MED21: variants seen among roughly 807,000 people sequenced by gnomAD.
The protein encoded by MED21 is mediator complex subunit 21.
A neutral mutation model predicts 18.2 loss-of-function variants in MED21; 9 were observed. The observed-to-expected ratio is 0.49, with a 90% confidence interval of 0.30 to 0.86. MED21 has a LOEUF of 0.86. MED21 is among the 40% of genes least tolerant of loss of function. MED21 has a pLI of 0.07. For missense variants in MED21, 150 were observed against 170.9 expected (o/e 0.88, Z 0.68); for synonymous variants, 73 against 60.5 (o/e 1.21, Z -0.96).
intron 1 of MED21, among the ~76,000 whole-genome samples, chr12:27,025,490 A>G (rs1941531932): frequency 6.6e-6 from 1 of 152,198 alleles, no homozygotes; most frequent in African/African-American, 2.4e-5. Flanking sequence ...GGAAAACAAC[A>G]AGAAGACTAT....
chr12:27,036,897 G>A (rs1941653170), intron 2 of MED21, among the ~76,000 whole-genome samples: 2 of 152,122 alleles, frequency 1.3e-5, no homozygotes, highest in Admixed American at 6.6e-5. Context: ...TGTTCTTTTG[G>A]CTTAGGATTG....
Position 27,029,779 on chromosome 12 carries a change from A to G in MED21, c.*1318A>G. Reference sequence around the variant, plus strand: ...TTGGCATAAATCTGTACTCTTCATTATAGTTTTGGGGGGAGAGAAGATTCA... The same window carrying G: ...TTGGCATAAATCTGTACTCTTCATTGTAGTTTTGGGGGGAGAGAAGATTCA... On this transcript the variant is annotated 3_prime_UTR_variant, in exon 4 of 4. Coordinates refer to ENST00000282892, the MANE Select transcript of MED21 (RefSeq NM_004264.5). The G allele has an allele frequency of 1.0e-6, 1 of 987,210 alleles. No individual in the cohort carries two copies. Among genetic ancestry groups the G allele is most frequent in the Non-Finnish European group, 1.2e-6 (1 of 830,844 alleles). The allele number at this position is 987,210 out of a possible 1,614,324, so 61.2% of individuals were successfully genotyped here. A position where few individuals can be genotyped will look rare whatever the true frequency, so the allele number is the denominator to read the frequency against.
chr12:27,027,447 G>A lies in MED21; in HGVS notation c.258G>A (p.Gln86=). Reference sequence around the variant, plus strand: ...GTGAAGAATCTACAGCTGCTTTACAGGTAAGCCTCTATTCCTTTGAGAATT... The same window carrying A: ...GTGAAGAATCTACAGCTGCTTTACAAGTAAGCCTCTATTCCTTTGAGAATT... ...LPSEESTAAL[Q]AASLYKLEEE... The change falls in exon 3 of 4, where the codon CAG becomes CAA. Residue 86 remains glutamine, a splice_region_variant and synonymous_variant. Coordinates refer to ENST00000282892, the MANE Select transcript of MED21 (RefSeq NM_004264.5). The A allele has an allele frequency of 1.9e-6, 3 of 1,606,152 alleles. No homozygotes were observed. Among genetic ancestry groups the A allele is most frequent in the Non-Finnish European group, 2.6e-6 (3 of 1,174,158 alleles).
intron 2 of MED21, among the ~76,000 whole-genome samples, chr12:27,026,897 G>A (rs907246308): frequency 2.6e-5 from 4 of 151,976 alleles, no homozygotes; most frequent in South Asian, 2.1e-4. Context: ...AGCTAAATGT[G>A]TAACAGGATT....
At position 27,028,299 on chromosome 12, in the gene MED21, T is replaced by C. The variant is rs1406278959; in HGVS notation, c.273T>C (p.Tyr91=). 5 of 1,612,804 alleles carry C rather than the reference T, an allele frequency of 3.1e-6. No individual in the cohort carries two copies. Among genetic ancestry groups the C allele is most frequent in the Non-Finnish European group, 4.2e-6 (5 of 1,179,020 alleles). Residue 91 remains tyrosine (Y), a synonymous_variant, in exon 4 of 4, where the codon TAT becomes TAC. Transcript: ENST00000282892. ...STAALQAASL[Y]KLEEENHEAA... is the part of the protein sequence containing the mutation. ...GTCTTATAAAGGCTGCTAGCTTGTA[T>C]AAGCTAGAAGAAGAAAACCATGAAG...
intron 2 of MED21, chr12:27,037,332 G>T (rs1432217557): frequency 1.3e-5 from 2 of 151,954 alleles, no homozygotes; most frequent in African/African-American, 4.8e-5. Context: ...AGCTTAAGGA[G>T]ATTTTGGGCT....
Position 27,028,714 on chromosome 12 carries a change from A to G in MED21, c.*253A>G, listed in dbSNP as rs1359440841. On this transcript the variant is annotated 3_prime_UTR_variant, in exon 4 of 4. Coordinates refer to ENST00000282892, the MANE Select transcript of MED21 (RefSeq NM_004264.5). The stretch of plus-strand genomic sequence containing the variant: ...AATTATTAAGGCATGTAATACATTA[A>G]TGAACATAATATAAGGAAACATATG... The G allele has an allele frequency of 3.5e-6, 4 of 1,130,416 alleles. No homozygotes were observed. The highest frequency in any genetic ancestry group is 1.6e-5 in the African/African-American group (1 of 62,518). 70.0% of individuals were successfully genotyped at this position (1,130,416 alleles called of 1,614,324 possible).
chr12:27,033,779 T>A (rs1358257747), downstream of MED21, among the ~76,000 whole-genome samples: 2 of 152,208 alleles, frequency 1.3e-5, no homozygotes, highest in Non-Finnish European at 2.9e-5. Flanking sequence ...ATCAGAAAGA[T>A]TAGAGCATAA....
At chr12:27,032,843 G>A (rs1941628653), downstream of MED21, among the ~76,000 whole-genome samples, 1 of 152,116 alleles carries the variant, frequency 6.6e-6, no homozygotes, top group Non-Finnish European at 1.5e-5. Flanking sequence ...TTCCCCGTAA[G>A]CCACTGGACT....
At chr12:27,025,844 T>G (rs1941537599) in intron 1 of MED21, among the ~76,000 whole-genome samples, 1 of 150,868 alleles carries the variant, frequency 6.6e-6, no homozygotes. Context: ...TTAAAAGTAC[T>G]TAAGGAATAC....
At chr12:27,036,105 T>C (rs993683719) in intron 2 of MED21, among the ~76,000 whole-genome samples, 3 of 152,314 alleles carry the variant, frequency 2.0e-5, no homozygotes, top group Admixed American at 6.5e-5. Context: ...CACCTGTTGT[T>C]TCCTGACTTC....
chr12:27,037,513 T>C (rs1187075330), intron 2 of MED21: 3 of 152,258 alleles, frequency 2.0e-5, no homozygotes, highest in Admixed American at 2.0e-4. Flanking sequence ...ATCCCTGTCT[T>C]GTGCCAGTTT....
downstream of MED21, among the ~76,000 whole-genome samples, chr12:27,031,906 C>T (rs1212183536): frequency 2.6e-5 from 4 of 152,166 alleles, no homozygotes; most frequent in Non-Finnish European, 4.4e-5. Context: ...CCAAGGCGTG[C>T]GTACCCCTTG....
At chr12:27,038,053 T>G (rs550131187) in intron 2 of MED21, 1 of 152,246 alleles carries the variant, frequency 6.6e-6, no homozygotes, top group South Asian at 2.1e-4. Context: ...AAGACAGAGC[T>G]TCCTATTAAG....
intron 2 of MED21, among the ~76,000 whole-genome samples, chr12:27,036,882 A>G (rs1941653104): frequency 6.6e-6 from 1 of 152,210 alleles, no homozygotes; most frequent in South Asian, 2.1e-4. Context: ...TGATGCCTCC[A>G]GCTTTGTTCT....
Position 27,027,337 on chromosome 12 carries a change from C to G in MED21, c.158-10C>G, listed in dbSNP as rs755891973. The G allele has an allele frequency of 6.3e-7, 1 of 1,596,630 alleles. No homozygotes were observed. On this transcript the variant is annotated splice_polypyrimidine_tract_variant and intron_variant, in intron 2 of 3. Coordinates refer to ENST00000282892, the MANE Select transcript of MED21 (RefSeq NM_004264.5). ...TTCTAATATCCTAATCTAGCAGTAT[C>G]TTTCTCTAGAGTATGCCCAGCTTTT...
chr12:27,033,442 A>G (rs112428485), downstream of MED21, among the ~76,000 whole-genome samples: 1,480 of 152,320 alleles, frequency 9.7e-3, 25 homozygotes, highest in African/African-American at 0.033. Context: ...TAGGATTTCA[A>G]CGTACAAATT....
At chr12:27,023,931 G>A (rs1254499132) in intron 1 of MED21, among the ~76,000 whole-genome samples, 2 of 152,184 alleles carry the variant, frequency 1.3e-5, no homozygotes, top group Admixed American at 6.5e-5. Flanking sequence ...TATGTGCTAT[G>A]CTTTCATACA....
Position 27,028,810 on chromosome 12 carries a change from A to G in MED21, c.*349A>G. The G allele has an allele frequency of 1.0e-6, 1 of 997,708 alleles. No individual in the cohort carries two copies. The highest frequency in any genetic ancestry group is 1.2e-6 in the Non-Finnish European group (1 of 837,214). 61.8% of individuals were successfully genotyped at this position (997,708 alleles called of 1,614,324 possible). ...GGCCAGTACTTTTACAAATCAAAAC[A>G]TCTCTCAAGCCAAAGGAGAAGACAG... On this transcript the variant is annotated 3_prime_UTR_variant, in exon 4 of 4. Transcript: ENST00000282892.
Sources: gnomAD v4.1 joint callset for allele counts (sites outside exome capture counted in the v4.1 genomes callset) on GRCh38, gnomAD v4.1.1 for gene constraint, MANE v1.5 for transcripts, NCBI Gene and HGNC (gene_info 2026-07-23, HGNC 2026-07-21) for gene names.